The following FGD4 variants were observed in gnomAD, a reference collection of about 807,000 sequenced individuals.
The protein encoded by FGD4 is FYVE, RhoGEF and PH domain containing 4.
FGD4 carries 42 observed loss-of-function variants against 102.0 expected under a neutral mutation model. That is an observed-to-expected ratio of 0.41 (90% CI 0.32 to 0.53). The LOEUF (loss-of-function observed/expected upper bound fraction) is 0.53. FGD4 is among the 20% of genes least tolerant of loss of function. The pLI is 0.21. For missense variants in FGD4, 902 were observed against 1,078.2 expected, an observed-to-expected ratio of 0.84 and a Z score of 2.29; for synonymous variants, 380 against 375.7, an observed-to-expected ratio of 1.01 and a Z score of -0.13.
intron 1 of FGD4, among the ~76,000 whole-genome samples, chr12:32,494,113 A>T (rs1388481038): frequency 6.6e-6 from 1 of 152,220 alleles, no homozygotes; most frequent in African/African-American, 2.4e-5. Flanking sequence ...TGGTGTGATC[A>T]ATGCAGCTTC....
At chr12:32,410,342 T>G (rs1000082146) in intron 1 of FGD4, among the ~76,000 whole-genome samples, 2 of 148,758 alleles carry the variant, frequency 1.3e-5, no homozygotes, top group Non-Finnish European at 3.0e-5. Flanking sequence ...AAAAAAAAAT[T>G]GCCAGTATGG....
Position 32,640,292 on chromosome 12 carries a change from C to G in FGD4, c.2471C>G (p.Ala824Gly), listed in dbSNP as rs747627501. The change falls in exon 17 of 17, where the codon GCC becomes GGC. Residue 824 changes from alanine (A) to glycine (G), a missense_variant. Ala to Gly is a moderately conservative substitution (Grantham distance 60, BLOSUM62 0). Around this residue, in one of 2 missense-constraint regions of FGD4, gnomAD observed 459 missense variants for 619.0 expected, o/e 0.74. Transcript: ENST00000534526. ...TTTCTTTAGGACGTCAGAGCCCAGG[C>G]CACCATTCCACTTCTGGGCTATGTG... is the stretch of plus-strand genomic sequence containing the variant. The part of the protein sequence containing the change: ...YGAPQDVRAQ[A>G]TIPLLGYVVD... 3.1e-6 allele frequency: 5 copies of G among 1,614,072 alleles called. No individual in the cohort carries two copies. The African/African-American group carries it at 5.3e-5, about 17-fold the overall frequency.
intron 3 of FGD4, among the ~76,000 whole-genome samples, chr12:32,580,327 G>T (rs1177497064): frequency 6.6e-6 from 1 of 152,104 alleles, no homozygotes; most frequent in East Asian, 1.9e-4. Context: ...TTCTTAGTAA[G>T]CACTTAATAA....
At chr12:32,461,942 G>T (rs975644294) in intron 1 of FGD4, among the ~76,000 whole-genome samples, 1 of 151,950 alleles carries the variant, frequency 6.6e-6, no homozygotes, top group African/African-American at 2.4e-5. Context: ...GGCCATGCTG[G>T]TCTTGAACTT....
chr12:32,503,021 T>C (rs894570514), intron 1 of FGD4, among the ~76,000 whole-genome samples: 7 of 152,160 alleles, frequency 4.6e-5, no homozygotes, highest in African/African-American at 1.7e-4. Context: ...AGAAGGAGAT[T>C]TGGGTCCTAA....
intron 1 of FGD4, among the ~76,000 whole-genome samples, chr12:32,494,326 C>T (rs1327100122): frequency 2.0e-5 from 3 of 152,064 alleles, no homozygotes; most frequent in South Asian, 2.1e-4. Context: ...GCTGGGATTT[C>T]GCAAAGAACT....
chr12:32,549,913 C>A (rs1943517753), intron 1 of FGD4, among the ~76,000 whole-genome samples: 1 of 152,204 alleles, frequency 6.6e-6, no homozygotes, highest in African/African-American at 2.4e-5. Context: ...AGTGCCCCTG[C>A]CAGTTGTTTC....
At chr12:32,443,994 G>GTAAA (rs1942532189) in intron 1 of FGD4, among the ~76,000 whole-genome samples, 1 of 149,112 alleles carries the variant, frequency 6.7e-6, no homozygotes, top group South Asian at 2.1e-4. Context: ...ATTCACCCAT[G>GTAAA]TAAAGTGGAC....
intron 1 of FGD4, among the ~76,000 whole-genome samples, chr12:32,458,465 T>G (rs1943008420): frequency 6.6e-6 from 1 of 152,198 alleles, no homozygotes; most frequent in Non-Finnish European, 1.5e-5. Context: ...TGAGCCAACG[T>G]GCCCAGGCTG....
In FGD4 at chr12:32,582,397, A is replaced by C. The variant is rs764126006; in HGVS notation, c.941A>C (p.Lys314Thr). 6.2e-7 allele frequency: 1 copy of C among 1,614,064 alleles called. No homozygotes were observed. Among genetic ancestry groups the C allele is most frequent in the South Asian group, 1.1e-5 (1 of 91,076 alleles). Residue 314 changes from lysine (K) to threonine (T), a missense_variant, in exon 4 of 17, where the codon AAG (lysine) becomes ACG (threonine). By Grantham distance (78) the Lys-to-Thr change is moderately conservative. This residue lies in a region of FGD4 where 443 missense variants were observed against 459.2 expected (regional missense o/e 0.96). Coordinates refer to ENST00000534526, the MANE Select transcript of FGD4 (RefSeq NM_001370298.3). ...GAAAGAGGGGCAGAAACAGAAACCA[A>C]GGTACAAGAGAGGGAAAATGGGGAA... Reference protein sequence around the residue: ...LEERGAETETKVQERENGESP... With the variant: ...LEERGAETETTVQERENGESP...
intron 7 of FGD4, among the ~76,000 whole-genome samples, chr12:32,606,657 G>C (rs1296930409): frequency 6.6e-6 from 1 of 151,984 alleles, no homozygotes; most frequent in Non-Finnish European, 1.5e-5. Context: ...TCACTTGTTT[G>C]CTTCAAATGC....
intron 10 of FGD4, among the ~76,000 whole-genome samples, chr12:32,616,791 T>A (rs1214301602): frequency 6.6e-6 from 1 of 152,210 alleles, no homozygotes; most frequent in Non-Finnish European, 1.5e-5. Flanking sequence ...GTTTTTTATG[T>A]TAATGTAGGA....
At chr12:32,612,963 C>A (rs1291477030) in intron 10 of FGD4, among the ~76,000 whole-genome samples, 2 of 152,006 alleles carry the variant, frequency 1.3e-5, no homozygotes, top group African/African-American at 4.8e-5. Context: ...CTTTGTTATC[C>A]TAATGAATTT....
At chr12:32,509,243 T>C (rs889799526) in intron 1 of FGD4, among the ~76,000 whole-genome samples, 27 of 70,666 alleles carry the variant, frequency 3.8e-4, no homozygotes, top group Admixed American at 1.5e-3. Flanking sequence ...TTTATTCTCT[T>C]TTTTTTTTTT....
chr12:32,484,812 C>T (rs1352424468), intron 1 of FGD4, among the ~76,000 whole-genome samples: 1 of 152,004 alleles, frequency 6.6e-6, no homozygotes, highest in Admixed American at 6.6e-5. Context: ...GCAGAGGTTG[C>T]AGTGAGCCAA....
intron 1 of FGD4, among the ~76,000 whole-genome samples, chr12:32,419,883 T>C (rs1941564920): frequency 6.6e-6 from 1 of 152,154 alleles, no homozygotes; most frequent in African/African-American, 2.4e-5. Flanking sequence ...TCCCAACTGC[T>C]GTGCTGTCCA....
rs1161324219 is a variant in FGD4 at position 32,564,040 on chromosome 12, G to GGAGGGA, written c.167-89_167-84dup. The GGAGGGA allele has an allele frequency of 9.1e-5, 100 of 1,104,000 alleles. No homozygotes were observed. In the African/African-American group the frequency reaches 1.5e-3, roughly 16 times the overall value. 68.4% of individuals were successfully genotyped at this position (1,104,000 alleles called of 1,614,324 possible). On this transcript the variant is annotated intron_variant, in intron 1 of 16. Transcript: ENST00000534526. The stretch of plus-strand genomic sequence containing the variant: ...GGGAGAGGGAGAGGGAGGGGGAGGG[G>GGAGGGA]GAGGGAGAGGGAGTGGGAGAGGGGA...
At chr12:32,473,365 G>C (rs10743793) in intron 1 of FGD4, among the ~76,000 whole-genome samples, 50,751 of 151,842 alleles carry the variant, frequency 0.33, 9,157 homozygotes, top group East Asian at 0.46. Context: ...TCACCGCGAA[G>C]ATCTGCAGCT....
intron 2 of FGD4, among the ~76,000 whole-genome samples, chr12:32,572,837 A>G (rs962028603): frequency 2.0e-5 from 3 of 152,150 alleles, no homozygotes; most frequent in African/African-American, 7.2e-5. Flanking sequence ...TGTCAGTTTA[A>G]TTACCTTTTA....
Sources: gnomAD v4.1 joint callset for allele counts (sites outside exome capture counted in the v4.1 genomes callset) on GRCh38, gnomAD v4.1.1 for gene constraint, gnomAD v4.1.1 regional missense constraint, MANE v1.5 for transcripts, NCBI Gene and HGNC (gene_info 2026-07-23, HGNC 2026-07-21) for gene names.